AKAP13: variants seen among roughly 807,000 people sequenced by gnomAD.
The protein encoded by AKAP13 is A-kinase anchor protein 13.
AKAP13 carries 80 observed loss-of-function variants against 264.5 expected under a neutral mutation model. That is an observed-to-expected ratio of 0.30 (90% CI 0.25 to 0.36). The LOEUF (loss-of-function observed/expected upper bound fraction) is 0.36. Among genes scored for constraint, AKAP13 ranks in the 10% least tolerant of loss-of-function variants. The pLI, the probability that AKAP13 is intolerant of heterozygous loss-of-function variation, is 1.00. For missense variants in AKAP13, 3,712 were observed against 3,435.2 expected (o/e 1.08, Z -2.01); for synonymous variants, 1,380 against 1,250.2 (o/e 1.10, Z -2.19).
intron 2 of AKAP13, among the ~76,000 whole-genome samples, chr15:85,508,676 C>G (rs765965165): frequency 6.6e-6 from 1 of 151,852 alleles, no homozygotes; most frequent in Non-Finnish European, 1.5e-5. Flanking sequence ...TCAAAACCCT[C>G]CAATGGTTTA....
chr15:85,650,791 CAA>C (rs2082796565), intron 10 of AKAP13, among the ~76,000 whole-genome samples: 3 of 65,146 alleles, frequency 4.6e-5, no homozygotes, highest in Non-Finnish European at 9.2e-5. Context: ...AAAAAAAAAA[CAA>C]CAAAAACTGC....
At chr15:85,624,824 A>T (rs991169656) in intron 8 of AKAP13, among the ~76,000 whole-genome samples, 1 of 152,214 alleles carries the variant, frequency 6.6e-6, no homozygotes. Context: ...TTTCTGACTG[A>T]TGGGAACACA....
intron 1 of AKAP13, among the ~76,000 whole-genome samples, chr15:85,425,027 C>G (rs540600747): frequency 6.6e-6 from 1 of 152,092 alleles, no homozygotes; most frequent in Non-Finnish European, 1.5e-5. Flanking sequence ...CATAAAAGAT[C>G]AATGATCACA....
intron 18 of AKAP13, among the ~76,000 whole-genome samples, chr15:85,709,195 C>T (rs2086486575): frequency 1.3e-5 from 2 of 152,242 alleles, no homozygotes; most frequent in Middle Eastern, 6.8e-3. Context: ...CCCTTGGCTC[C>T]CTGATATTTC....
At position 85,606,090 on chromosome 15, in the gene AKAP13, C is replaced by CTTTTTTTTTTTTTT. The variant is rs369008646; in HGVS notation, c.4161+20280_4161+20293dup. On this transcript the variant is annotated intron_variant, in intron 8 of 36. Coordinates refer to ENST00000394518, the MANE Select transcript of AKAP13 (RefSeq NM_007200.5). ...AGATTTTCTGCACTGGTTTGATCTA[C>CTTTTTTTTTTTTTT]TTTTTTTTTTTTTTTTTTTTTTTTT... Among the ~76,000 whole-genome samples the CTTTTTTTTTTTTTT allele has an allele frequency of 5.1e-3, 448 of 88,218 alleles. 50 individuals carry two copies. The highest frequency in any genetic ancestry group is 9.0e-3 in the East Asian group (17 of 1,888). 57.9% of individuals were successfully genotyped at this position (88,218 alleles called of 152,430 possible).
intron 8 of AKAP13, among the ~76,000 whole-genome samples, chr15:85,600,011 T>C (rs905973389): frequency 2.0e-5 from 3 of 152,164 alleles, no homozygotes; most frequent in African/African-American, 7.2e-5. Flanking sequence ...ATGACTGATG[T>C]GGAGTGTTGC....
intron 3 of AKAP13, among the ~76,000 whole-genome samples, chr15:85,525,209 C>G (rs1312988693): frequency 6.6e-6 from 1 of 151,930 alleles, no homozygotes; most frequent in Non-Finnish European, 1.5e-5. Flanking sequence ...AGGTGCCCAC[C>G]ACCACACCTG....
At chr15:85,562,227 A>G (rs1481913720) in intron 5 of AKAP13, among the ~76,000 whole-genome samples, 1 of 152,196 alleles carries the variant, frequency 6.6e-6, no homozygotes, top group Non-Finnish European at 1.5e-5. Flanking sequence ...GTGGAAATAG[A>G]AACCAGTATT....
In AKAP13 at chr15:85,743,889, T is replaced by G. The variant is rs1388937976; in HGVS notation, c.8392+64T>G. The G allele has an allele frequency of 2.6e-6, 4 of 1,523,746 alleles. No homozygotes were observed. The East Asian group carries it at 9.1e-5, about 35-fold the overall frequency. 94.4% of individuals were successfully genotyped at this position (1,523,746 alleles called of 1,614,324 possible). ...TCTGTGCATTCTGAGAGAGGGTAGA[T>G]TTTAGTGGCATGGGGCGGGGTTGAA... On this transcript the variant is annotated intron_variant, in intron 36 of 36. Transcript: ENST00000394518.
At chr15:85,599,668 G>T (rs1171861842) in intron 8 of AKAP13, among the ~76,000 whole-genome samples, 1 of 152,122 alleles carries the variant, frequency 6.6e-6, no homozygotes, top group East Asian at 1.9e-4. Context: ...ACTGCCATTT[G>T]TCTGTTTCTT....
At chr15:85,623,517 G>T (rs190726909) in intron 8 of AKAP13, among the ~76,000 whole-genome samples, 64 of 152,228 alleles carry the variant, frequency 4.2e-4, no homozygotes, top group African/African-American at 1.5e-3. Flanking sequence ...ATTCTGCCCT[G>T]CTTCCTTTGT....
intron 10 of AKAP13, among the ~76,000 whole-genome samples, chr15:85,650,878 A>G (rs548759802): frequency 1.3e-5 from 2 of 151,596 alleles, no homozygotes; most frequent in East Asian, 3.9e-4. Context: ...GTAATCAGGT[A>G]CTTTTCTTAA....
intron 1 of AKAP13, among the ~76,000 whole-genome samples, chr15:85,471,387 C>G (rs1295892982): frequency 1.3e-5 from 2 of 151,940 alleles, no homozygotes; most frequent in Non-Finnish European, 2.9e-5. Flanking sequence ...CCCAGCTACT[C>G]CGGAGGCTGA....
chr15:85,718,244 C>A lies in AKAP13; in HGVS notation c.6001+85C>A. 3.3e-6 allele frequency: 5 copies of A among 1,525,356 alleles called. No homozygotes were observed. Among genetic ancestry groups the A allele is most frequent in the Non-Finnish European group, 4.5e-6 (5 of 1,123,182 alleles). The allele number at this position is 1,525,356 out of a possible 1,614,324, so 94.5% of individuals were successfully genotyped here. A position where few individuals can be genotyped will look rare whatever the true frequency, so the allele number is the denominator to read the frequency against. On this transcript the variant is annotated intron_variant, in intron 22 of 36. Coordinates refer to ENST00000394518, the MANE Select transcript of AKAP13 (RefSeq NM_007200.5). This position sits in a 1 kb window ranked among gnomAD's most constrained non-coding sequence, Gnocchi z 4.9. ...AGTAATTTGTTGGACTATGAAAAAT[C>A]AGTTTTTTAGTATGTGGCTTCTTGA...
chr15:85,516,438 A>T (rs2076602903), intron 2 of AKAP13, among the ~76,000 whole-genome samples: 1 of 152,214 alleles, frequency 6.6e-6, no homozygotes, highest in Non-Finnish European at 1.5e-5. Flanking sequence ...TGATACACTA[A>T]CAAGTTATAA....
intron 33 of AKAP13, among the ~76,000 whole-genome samples, chr15:85,738,249 A>G (rs189971380): frequency 0.015 from 2,324 of 151,916 alleles, 59 homozygotes; most frequent in African/African-American, 0.051. Context: ...AATATTAGCC[A>G]GGCATGGTGG....
intron 10 of AKAP13, among the ~76,000 whole-genome samples, chr15:85,647,225 G>A (rs980743072): frequency 1.3e-5 from 2 of 151,962 alleles, no homozygotes; most frequent in African/African-American, 2.4e-5. Context: ...GTGAAAACCC[G>A]TCTCTACTAA....
In AKAP13 at chr15:85,719,338, A is replaced by G. The variant is rs750299548; in HGVS notation, c.6252+12A>G. 2 of 1,613,800 alleles carry G rather than the reference A, an allele frequency of 1.2e-6. No individual in the cohort carries two copies. The highest frequency in any genetic ancestry group is 2.2e-5 in the South Asian group (2 of 91,058). On this transcript the variant is annotated intron_variant, in intron 23 of 36. Transcript: ENST00000394518. ...TGCTTGTAAATCAGGTGAGAATGGG[A>G]AGGATCTCAGGTTCTTACATACACT... is the stretch of plus-strand genomic sequence containing the variant.
intron 5 of AKAP13, among the ~76,000 whole-genome samples, chr15:85,552,349 G>A (rs1236732253): frequency 6.6e-6 from 1 of 152,098 alleles, no homozygotes; most frequent in Non-Finnish European, 1.5e-5. Flanking sequence ...TGTTCTAGAA[G>A]GAATTTTGTG....
Sources: gnomAD v4.1 joint callset for allele counts (sites outside exome capture counted in the v4.1 genomes callset) on GRCh38, gnomAD v4.1.1 for gene constraint, Gnocchi (gnomAD v3.1) non-coding constraint, MANE v1.5 for transcripts, NCBI Gene and HGNC (gene_info 2026-07-23, HGNC 2026-07-21) for gene names.